Variants in AKR1C2 observed in about 807,000 individuals in gnomAD.
AKR1C2 encodes aldo-keto reductase family 1 member C2.
In AKR1C2, 27 loss-of-function variants were observed where a neutral mutation model predicts 39.8. The ratio of observed to expected loss-of-function variants is 0.68; its 90% CI spans 0.50 to 0.93. The LOEUF (loss-of-function observed/expected upper bound fraction) is 0.93. Among genes scored for constraint, AKR1C2 ranks in the 40% least tolerant of loss-of-function variants. The pLI is 0.00. For synonymous variants in AKR1C2, 114 were observed against 137.9 expected (o/e 0.83, Z 1.22); for missense variants, 263 against 365.1 (o/e 0.72, Z 2.28).
intron 3 of AKR1C2, 121 bp downstream of exon 3, chr10:5,000,428 GC>G: frequency 6.3e-7 from 1 of 1,589,740 alleles, no homozygotes; most frequent in Non-Finnish European, 8.6e-7. Flanking sequence ...TATGTTTAGG[GC>G]TCTTCTTCCA....
At chr10:5,006,569 C>T (rs1251827975), upstream of AKR1C2, 1 of 151,576 alleles carries the variant, frequency 6.6e-6, no homozygotes, top group Non-Finnish European at 1.5e-5. Context: ...CACCATCGCA[C>T]TCCAGCTTGG....
intron 5 of AKR1C2, chr10:4,997,222 C>T (rs1837086524): frequency 2.0e-5 from 3 of 152,418 alleles, no homozygotes; most frequent in African/African-American, 7.2e-5. Flanking sequence ...ATACTCACAT[C>T]TAACTTTTAA....
In AKR1C2 at chr10:4,995,608, C is replaced by A. The variant is rs1837005941; in HGVS notation, c.681-124G>T. On this transcript the variant is annotated intron_variant, in intron 6 of 8. Coordinates refer to ENST00000380753, the MANE Select transcript of AKR1C2 (RefSeq NM_001393392.1). Reference sequence around the variant, plus strand: ...CTCAAGCGAGGCCCCCGAACAGCAGCCTCAACATCACCTGGGATCTCGTCA... The same window carrying A: ...CTCAAGCGAGGCCCCCGAACAGCAGACTCAACATCACCTGGGATCTCGTCA... 22 of 1,356,712 alleles carry A rather than the reference C, an allele frequency of 1.6e-5. No individual in the cohort carries two copies. In the South Asian group the frequency reaches 3.0e-4, roughly 19 times the overall value. The allele number at this position is 1,356,712 out of a possible 1,614,324, so 84.0% of individuals were successfully genotyped here. A position where few individuals can be genotyped will look rare whatever the true frequency, so the allele number is the denominator to read the frequency against.
chr10:5,014,620 TG>T (rs1252942991), intron 1 of AKR1C2, among the ~76,000 whole-genome samples: 2 of 152,150 alleles, frequency 1.3e-5, no homozygotes, highest in African/African-American at 4.8e-5. Context: ...CAGATCTATT[TG>T]GGGAATTAAA....
upstream of AKR1C2, chr10:5,006,588 T>G (rs1282999377): frequency 2.8e-5 from 4 of 141,994 alleles, no homozygotes; most frequent in African/African-American, 1.0e-4. Flanking sequence ...GGGCTTAAAC[T>G]CCATCTGAAA....
In AKR1C2 at chr10:4,989,992, C is replaced by A. The variant is rs782460061; in HGVS notation, c.*4G>T. The A allele has an allele frequency of 3.2e-5, 52 of 1,609,470 alleles. No individual in the cohort carries two copies. Among genetic ancestry groups the A allele is most frequent in the Non-Finnish European group, 4.3e-5 (51 of 1,178,100 alleles). On this transcript the variant is annotated 3_prime_UTR_variant, in exon 9 of 9. Coordinates refer to ENST00000380753, the MANE Select transcript of AKR1C2 (RefSeq NM_001393392.1). ...CTGGCAGACCTCATGCAATGCCCTC[C>A]ATGTTAATATTCATCAGAAAATGGA... is the stretch of plus-strand genomic sequence containing the variant.
chr10:5,002,866 C>A lies in AKR1C2; in HGVS notation c.84+886G>T, dbSNP rs1343230583. ...AGTGGTATCCTCATCTTTACTTCCT[C>A]TCCATGCCAATTTATATTACAAAAT... On this transcript the variant is annotated intron_variant, in intron 1 of 8. Transcript: ENST00000380753. 2.0e-5 allele frequency among the ~76,000 whole-genome samples: 3 copies of A among 152,192 alleles called. No individual in the cohort carries two copies. In the South Asian group the frequency reaches 6.2e-4, roughly 31 times the overall value.
At chr10:4,992,590 C>A (rs1196675876) in intron 7 of AKR1C2, among the ~76,000 whole-genome samples, 1 of 152,132 alleles carries the variant, frequency 6.6e-6, no homozygotes, top group Non-Finnish European at 1.5e-5. Context: ...TTGCATTATT[C>A]TTTTAATATT....
At chr10:4,993,895 C>T (rs1329157001) in intron 7 of AKR1C2, among the ~76,000 whole-genome samples, 1 of 150,890 alleles carries the variant, frequency 6.6e-6, no homozygotes, top group African/African-American at 2.4e-5. Flanking sequence ...CACAGTCTTT[C>T]ATAACTTTTC....
At chr10:4,990,064 C>T (rs1554771978) in intron 8 of AKR1C2, 26 bp from the exon 9 acceptor site, 1 of 1,608,436 alleles carries the variant, frequency 6.2e-7, no homozygotes. Flanking sequence ...AAAATGCACA[C>T]TCTGAATGGC....
chr10:4,993,889 G>A (rs2904809), intron 7 of AKR1C2, among the ~76,000 whole-genome samples: 1 of 149,852 alleles, frequency 6.7e-6, no homozygotes, highest in Admixed American at 6.7e-5. Flanking sequence ...AATTTCCACA[G>A]TCTTTCATAA....
chr10:5,000,964 T>C (rs1174690081), intron 2 of AKR1C2, among the ~76,000 whole-genome samples: 1 of 152,244 alleles, frequency 6.6e-6, no homozygotes, highest in Non-Finnish European at 1.5e-5. Context: ...GTTTTACAAC[T>C]CATATTAGTG....
At chr10:5,015,932 T>G (rs1303430842) in intron 1 of AKR1C2, 1 of 152,018 alleles carries the variant, frequency 6.6e-6, no homozygotes, top group Non-Finnish European at 1.5e-5. Flanking sequence ...ATATTCACAT[T>G]GCTGGCAGGA....
At chr10:5,004,235 T>C (rs1207561607), upstream of AKR1C2, among the ~76,000 whole-genome samples, 1 of 152,238 alleles carries the variant, frequency 6.6e-6, no homozygotes, top group Non-Finnish European at 1.5e-5. Context: ...CTTGCAGCAT[T>C]TGAAATGACT....
chr10:5,000,445 A>G, intron 3 of AKR1C2, 105 bp downstream of exon 3: 1 of 1,603,600 alleles, frequency 6.2e-7, no homozygotes, highest in Non-Finnish European at 8.5e-7. Context: ...TTCCATGTTA[A>G]AATCCCTATG....
upstream of AKR1C2, chr10:5,003,953 G>A (rs1554774154): frequency 2.9e-6 from 2 of 693,756 alleles, no homozygotes; most frequent in African/African-American, 3.5e-5. Context: ...TGTGAGAGGA[G>A]GGACAGAGGC....
intron 1 of AKR1C2, chr10:5,015,895 G>T (rs1287995785): frequency 6.6e-6 from 1 of 152,188 alleles, no homozygotes; most frequent in Non-Finnish European, 1.5e-5. Context: ...TTACAATCAC[G>T]GAGGAAGGCA....
intron 1 of AKR1C2, among the ~76,000 whole-genome samples, chr10:5,002,843 T>G (rs1837313232): frequency 6.6e-6 from 1 of 152,188 alleles, no homozygotes; most frequent in Non-Finnish European, 1.5e-5. Context: ...GGAGCTTCAG[T>G]GGTATCCTCA....
intron 1 of AKR1C2, chr10:5,010,574 G>C (rs1397905313): frequency 1.3e-5 from 2 of 152,038 alleles, no homozygotes; most frequent in Non-Finnish European, 2.9e-5. Flanking sequence ...TTCTAGATGT[G>C]AGAGAAACCT....
Sources: gnomAD v4.1 joint callset for allele counts (sites outside exome capture counted in the v4.1 genomes callset) on GRCh38, gnomAD v4.1.1 for gene constraint, MANE v1.5 for transcripts, NCBI Gene and HGNC (gene_info 2026-07-23, HGNC 2026-07-21) for gene names.